The following KCNG3 variants were observed in gnomAD, a reference collection of about 807,000 sequenced individuals.
The protein encoded by KCNG3 is voltage-gated potassium channel regulatory subunit KCNG3.
A neutral mutation model predicts 29.0 loss-of-function variants in KCNG3; 15 were observed. That is an observed-to-expected ratio of 0.52 (90% CI 0.35 to 0.80). The LOEUF is 0.80. Among genes scored for constraint, KCNG3 ranks in the 30% least tolerant of loss-of-function variants. The probability of loss-of-function intolerance (pLI) is 0.01; values close to 1 mark genes in which losing one functional copy is unlikely to be tolerated. For missense variants in KCNG3, 512 were observed against 605.7 expected (o/e 0.85, Z 1.62); for synonymous variants, 322 against 248.9 (o/e 1.29, Z -2.76).
chr2:42,447,619 G>A (rs952434312), intron 1 of KCNG3, among the ~76,000 whole-genome samples: 2 of 151,878 alleles, frequency 1.3e-5, no homozygotes, highest in Middle Eastern at 3.4e-3. Flanking sequence ...AGGCTCAAGC[G>A]ATCCTCCCAC....
rs549269303 is a variant in KCNG3 at position 42,466,821 on chromosome 2, C to T, written c.666-22242G>A. Among the ~76,000 whole-genome samples the T allele has an allele frequency of 3.4e-5, 5 of 147,746 alleles. No homozygotes were observed. The South Asian group carries it at 6.5e-4, about 19-fold the overall frequency. ...AGGCTGGAGTGCAGTGGTGCGATCT[C>T]GGCTCACTGCAACCTCTGCCACCCG... is the stretch of plus-strand genomic sequence containing the variant. On this transcript the variant is annotated intron_variant, in intron 1 of 1. Coordinates refer to ENST00000306078, the MANE Select transcript of KCNG3 (RefSeq NM_133329.6).
intron 1 of KCNG3, among the ~76,000 whole-genome samples, chr2:42,446,491 C>T (rs1252347134): frequency 6.6e-6 from 1 of 151,994 alleles, no homozygotes; most frequent in African/African-American, 2.4e-5. Flanking sequence ...AAATTTTTAA[C>T]ATTCGAAATT....
chr2:42,455,268 G>T (rs1431336313), intron 1 of KCNG3, among the ~76,000 whole-genome samples: 4 of 152,144 alleles, frequency 2.6e-5, no homozygotes, highest in African/African-American at 9.7e-5. Flanking sequence ...CGCCCAGCAA[G>T]TTGGACTGCT....
the KCNG3 span, among the ~76,000 whole-genome samples, chr2:42,400,603 T>C: frequency 6.6e-6 from 1 of 152,104 alleles, no homozygotes; most frequent in Admixed American, 6.5e-5. Flanking sequence ...AGACAGTAAA[T>C]GAAGTTCATA....
intron 1 of KCNG3, among the ~76,000 whole-genome samples, chr2:42,452,243 A>ATATATATATATATATATATT: frequency 4.8e-4 from 46 of 95,040 alleles, no homozygotes; most frequent in Middle Eastern, 5.5e-3. Context: ...ATATATATAT[A>ATATATATATATATATATATT]TTTTTTTTTT....
At chr2:42,490,791 A>C (rs1484778047) in intron 1 of KCNG3, among the ~76,000 whole-genome samples, 8 of 152,376 alleles carry the variant, frequency 5.3e-5, no homozygotes, top group African/African-American at 1.9e-4. Flanking sequence ...AATATGGTCA[A>C]ATAATGAGAA....
rs11365655 is a variant in KCNG3 at position 42,475,323 on chromosome 2, C to CTT, written c.665+17512_665+17513dup. Among the ~76,000 whole-genome samples, 84 of 104,696 alleles carry CTT rather than the reference C, an allele frequency of 8.0e-4. 1 individual carries two copies. Among genetic ancestry groups the CTT allele is most frequent in the African/African-American group, 2.8e-3 (81 of 29,252 alleles). The allele number at this position is 104,696 out of a possible 152,430, so 68.7% of individuals were successfully genotyped here. A position where few individuals can be genotyped will look rare whatever the true frequency, so the allele number is the denominator to read the frequency against. On this transcript the variant is annotated intron_variant, in intron 1 of 1. Transcript: ENST00000306078. Reference sequence around the variant, plus strand: ...TGAGTGACAGAACAAGCCTCTGTCTCTTTTTTTTTTTTTTTTTTTTGAGAT... The same window carrying CTT: ...TGAGTGACAGAACAAGCCTCTGTCTCTTTTTTTTTTTTTTTTTTTTTTGAGAT...
At chr2:42,450,683 C>T (rs1182964363) in intron 1 of KCNG3, among the ~76,000 whole-genome samples, 2 of 152,194 alleles carry the variant, frequency 1.3e-5, no homozygotes, top group Non-Finnish European at 2.9e-5. Context: ...AAGCAATTTA[C>T]AGACATCATC....
chr2:42,407,740 C>G, the KCNG3 span, among the ~76,000 whole-genome samples: 1 of 152,128 alleles, frequency 6.6e-6, no homozygotes, highest in Non-Finnish European at 1.5e-5. Flanking sequence ...GGTGCAGCTT[C>G]AGACCCGGGC....
chr2:42,419,380 G>C, the KCNG3 span, among the ~76,000 whole-genome samples: 1 of 151,568 alleles, frequency 6.6e-6, no homozygotes, highest in East Asian at 1.9e-4. Context: ...TGGGATTACA[G>C]GCACCTGCCA....
chr2:42,422,356 T>A, the KCNG3 span, among the ~76,000 whole-genome samples: 10 of 152,136 alleles, frequency 6.6e-5, no homozygotes, highest in African/African-American at 2.4e-4. Flanking sequence ...TCTGCCATGT[T>A]ATGATACAGC....
chr2:42,457,204 G>T (rs1672897781), intron 1 of KCNG3, among the ~76,000 whole-genome samples: 1 of 151,990 alleles, frequency 6.6e-6, no homozygotes, highest in South Asian at 2.1e-4. Flanking sequence ...TTGACTAGTG[G>T]CCAAGTGCGG....
the KCNG3 span, among the ~76,000 whole-genome samples, chr2:42,404,101 T>G: frequency 6.6e-6 from 1 of 152,236 alleles, no homozygotes; most frequent in African/African-American, 2.4e-5. Context: ...CCAGGCCTAG[T>G]AACCTTTGCA....
At chr2:42,407,816 C>T in the KCNG3 span, among the ~76,000 whole-genome samples, 1 of 152,128 alleles carries the variant, frequency 6.6e-6, no homozygotes, top group Non-Finnish European at 1.5e-5. Flanking sequence ...CAGCTTCAGA[C>T]CCGGGCCTCC....
chr2:42,488,947 G>C (rs190502339), intron 1 of KCNG3, among the ~76,000 whole-genome samples: 103 of 152,148 alleles, frequency 6.8e-4, no homozygotes, highest in African/African-American at 2.3e-3. Flanking sequence ...TGCCTGAATA[G>C]CAATTTTTGC....
intron 1 of KCNG3, chr2:42,464,046 G>T: frequency 4.7e-6 from 1 of 211,206 alleles, no homozygotes; most frequent in South Asian, 5.9e-5. Context: ...TGGCAGGCTC[G>T]GTGGTGGCTG....
At position 42,445,182 on chromosome 2, in the gene KCNG3, C is replaced by T. The variant is rs536543844; in HGVS notation, c.666-603G>A. 9.3e-5 allele frequency among the ~76,000 whole-genome samples: 14 copies of T among 151,220 alleles called. No individual in the cohort carries two copies. In the South Asian group the frequency reaches 2.9e-3, roughly 32 times the overall value. ...ACTAATACTTTTAAAAAATATCTCT[C>T]TTATTTGGTAGTTTGAAATTAACTT... On this transcript the variant is annotated intron_variant, in intron 1 of 1. Coordinates refer to ENST00000306078, the MANE Select transcript of KCNG3 (RefSeq NM_133329.6).
At chr2:42,437,752 A>T (rs528512389), downstream of KCNG3, among the ~76,000 whole-genome samples, 1 of 152,200 alleles carries the variant, frequency 6.6e-6, no homozygotes, top group Admixed American at 6.5e-5. Context: ...AGCCCGGCCA[A>T]CATGGCAAAA....
chr2:42,403,864 G>A, the KCNG3 span, among the ~76,000 whole-genome samples: 144 of 152,198 alleles, frequency 9.5e-4, no homozygotes, highest in East Asian at 3.1e-3. Flanking sequence ...GCCTCCCAAA[G>A]TGCTGGGATT....
Sources: allele counts gnomAD v4.1 joint callset (sites outside exome capture counted in the v4.1 genomes callset), GRCh38; gene constraint gnomAD v4.1.1; transcripts MANE v1.5; gene names NCBI Gene and HGNC (gene_info 2026-07-23, HGNC 2026-07-21).